Variants in CERK observed in about 807,000 individuals in gnomAD.
CERK encodes the protein ceramide kinase.
CERK carries 39 observed loss-of-function variants against 63.4 expected under a neutral mutation model. The ratio of observed to expected loss-of-function variants is 0.61; its 90% CI spans 0.48 to 0.80. The LOEUF is 0.80. CERK is among the 30% of genes least tolerant of loss of function. The pLI, the probability that CERK is intolerant of heterozygous loss-of-function variation, is 0.00. For missense variants in CERK, 670 were observed against 714.1 expected, an observed-to-expected ratio of 0.94 and a Z score of 0.70; for synonymous variants, 302 against 280.0, an observed-to-expected ratio of 1.08 and a Z score of -0.78.
chr22:46,717,791 G>T (rs6007955), intron 3 of CERK, among the ~76,000 whole-genome samples: 25,353 of 152,112 alleles, frequency 0.17, 3,260 homozygotes, highest in African/African-American at 0.36. Flanking sequence ...AGATCCTCTG[G>T]GTCTGTGATA....
rs1469535264 is a variant in CERK, at chr22:46,714,965, T to A, written c.380-2672A>T. Among the ~76,000 whole-genome samples, 2 of 151,206 alleles carry A rather than the reference T, an allele frequency of 1.3e-5. No individual in the cohort carries two copies. Among genetic ancestry groups the A allele is most frequent in the African/African-American group, 4.9e-5 (2 of 40,954 alleles). ...CAGGACTGCAACAATGAGAAATTAATGTAACTCAACACATTAATTGAAAAA... is the reference window on the plus strand; with the variant it reads ...CAGGACTGCAACAATGAGAAATTAAAGTAACTCAACACATTAATTGAAAAA... On this transcript the variant is annotated intron_variant, in intron 3 of 12. Coordinates refer to ENST00000216264, the MANE Select transcript of CERK (RefSeq NM_022766.6). The surrounding 1 kb of genome is among the most constrained non-coding windows in gnomAD (Gnocchi z 4.4).
chr22:46,734,862 G>A (rs1311761183), intron 1 of CERK, among the ~76,000 whole-genome samples: 1 of 152,124 alleles, frequency 6.6e-6, no homozygotes, highest in East Asian at 1.9e-4. Context: ...ACTTACTTTT[G>A]TAAGCAGGAA....
chr22:46,736,067 G>A (rs1432885808), intron 1 of CERK, among the ~76,000 whole-genome samples: 1 of 152,192 alleles, frequency 6.6e-6, no homozygotes, highest in Admixed American at 6.5e-5. Context: ...CACAAACCAG[G>A]GCCCTCCCTC....
At position 46,711,136 on chromosome 22, in the gene CERK, A is replaced by AG; in HGVS notation, c.518dup (p.Asn174Ter). 1 of 1,613,660 alleles carries AG rather than the reference A, an allele frequency of 6.2e-7. No homozygotes were observed. The highest frequency in any genetic ancestry group is 8.5e-7 in the Non-Finnish European group (1 of 1,179,546). ...CATACAGAGTCTCCTTGGCCTGATTAGCATGTTCAGTAACTGTGGGGAAAA... is the reference window on the plus strand; with the variant it reads ...CATACAGAGTCTCCTTGGCCTGATTAGGCATGTTCAGTAACTGTGGGGAAAA... On this transcript the variant is annotated frameshift_variant, in exon 5 of 13. Coordinates refer to ENST00000216264, the MANE Select transcript of CERK (RefSeq NM_022766.6). LOFTEE classifies it high-confidence loss of function.
chr22:46,699,007 G>A (rs1475501257), intron 8 of CERK, among the ~76,000 whole-genome samples: 1 of 152,190 alleles, frequency 6.6e-6, no homozygotes, highest in African/African-American at 2.4e-5. Context: ...AGATGTGAGA[G>A]GCTGGTGGCC....
At chr22:46,711,883 T>C (rs2082842788) in intron 4 of CERK, among the ~76,000 whole-genome samples, 1 of 151,898 alleles carries the variant, frequency 6.6e-6, no homozygotes, top group South Asian at 2.1e-4. Flanking sequence ...AGCCCAGGGG[T>C]TCGAAACCAG....
chr22:46,702,526 C>G (rs1176413281), intron 6 of CERK, among the ~76,000 whole-genome samples: 1 of 152,100 alleles, frequency 6.6e-6, no homozygotes, highest in Non-Finnish European at 1.5e-5. Context: ...CTGTTGACCT[C>G]GTGATCCGCC....
At chr22:46,734,116 C>T (rs1244545826) in intron 1 of CERK, among the ~76,000 whole-genome samples, 1 of 151,248 alleles carries the variant, frequency 6.6e-6, no homozygotes, top group Non-Finnish European at 1.5e-5. Context: ...GCTTTCTACT[C>T]TTAAATATGC....
chr22:46,717,355 C>A (rs2082871399), intron 3 of CERK, among the ~76,000 whole-genome samples: 2 of 152,236 alleles, frequency 1.3e-5, no homozygotes, highest in Non-Finnish European at 2.9e-5. Context: ...TTCATGACAG[C>A]CCACATCAGG....
chr22:46,691,364 C>T (rs2082730580), intron 11 of CERK, among the ~76,000 whole-genome samples: 1 of 152,068 alleles, frequency 6.6e-6, no homozygotes, highest in Non-Finnish European at 1.5e-5. Context: ...TGAGCCACCG[C>T]ATCTGGCCTC....
In CERK at chr22:46,686,968, A is replaced by G. The variant is rs1160451726; in HGVS notation, c.*166T>C. ...GATGCGTACAGAACTGAAAATGCCA[A>G]ATATGTACACAAAATTGTTGACAAA... On this transcript the variant is annotated 3_prime_UTR_variant, in exon 13 of 13. Transcript: ENST00000216264. 1.5e-6 allele frequency: 1 copy of G among 662,174 alleles called. No homozygotes were observed. Among genetic ancestry groups the G allele is most frequent in the African/African-American group, 1.8e-5 (1 of 54,926 alleles). 41.0% of individuals were successfully genotyped at this position (662,174 alleles called of 1,614,324 possible). A position where few individuals can be genotyped will look rare whatever the true frequency, so the allele number is the denominator to read the frequency against.
chr22:46,727,916 A>T (rs1388414306), intron 1 of CERK, among the ~76,000 whole-genome samples: 2 of 152,044 alleles, frequency 1.3e-5, no homozygotes, highest in African/African-American at 4.8e-5. Context: ...GAGGATGCCA[A>T]ATCATTCCTC....
chr22:46,699,502 C>A (rs568051010), intron 7 of CERK, 37 bp from the exon 8 acceptor site: 7 of 1,609,430 alleles, frequency 4.3e-6, no homozygotes, highest in Non-Finnish European at 5.9e-6. Context: ...AGGCAGCCCC[C>A]CTCCAGCCCC....
At chr22:46,723,416 C>T (rs1271250604) in intron 1 of CERK, among the ~76,000 whole-genome samples, 5 of 152,178 alleles carry the variant, frequency 3.3e-5, no homozygotes, top group South Asian at 4.1e-4. Context: ...GTCAGGAGTT[C>T]GAGACCAGCC....
chr22:46,708,022 C>T, intron 5 of CERK, 34 bp from the exon 6 acceptor site: 1 of 1,572,968 alleles, frequency 6.4e-7, no homozygotes, highest in Non-Finnish European at 8.7e-7. Context: ...AGGGCTCCTG[C>T]AGGTGCGGCC....
intron 10 of CERK, among the ~76,000 whole-genome samples, chr22:46,692,904 CAAAAAAA>C (rs34255348): frequency 6.8e-4 from 63 of 92,954 alleles, no homozygotes; most frequent in Admixed American, 1.4e-3. Flanking sequence ...AAACTCCATC[CAAAAAAA>C]AAAAAAAAAA....
intron 9 of CERK, 56 bp from the exon 10 acceptor site, chr22:46,693,559 A>G: frequency 5.8e-6 from 8 of 1,375,622 alleles, no homozygotes; most frequent in Non-Finnish European, 8.3e-6. Context: ...TGCAGTGCGT[A>G]TGCTTGGCAC....
chr22:46,715,828 C>T (rs961489033), intron 3 of CERK, among the ~76,000 whole-genome samples: 4 of 152,288 alleles, frequency 2.6e-5, no homozygotes, highest in Admixed American at 6.5e-5. Flanking sequence ...AAAACGTCTT[C>T]GTGACTTTGG....
Position 46,714,113 on chromosome 22 carries a change from A to G in CERK, c.380-1820T>C, listed in dbSNP as rs184312823. 4.3e-4 allele frequency among the ~76,000 whole-genome samples: 65 copies of G among 152,288 alleles called. 1 individual carries two copies. The East Asian group carries it at 0.01, about 24-fold the overall frequency. On this transcript the variant is annotated intron_variant, in intron 3 of 12. Transcript: ENST00000216264. This position sits in a 1 kb window ranked among gnomAD's most constrained non-coding sequence, Gnocchi z 4.4. ...TGGTGAAACCCTGTCTCTACTAACA[A>G]TACAAAAATTAGCTGGGAATGGTGG...
Sources: allele counts gnomAD v4.1 joint callset (sites outside exome capture counted in the v4.1 genomes callset), GRCh38; gene constraint gnomAD v4.1.1; non-coding constraint Gnocchi (gnomAD v3.1); transcripts MANE v1.5; gene names NCBI Gene and HGNC (gene_info 2026-07-23, HGNC 2026-07-21).